DNAH8: variants seen among roughly 807,000 people sequenced by gnomAD.
DNAH8 encodes the protein dynein axonemal heavy chain 8.
A neutral mutation model predicts 562.1 loss-of-function variants in DNAH8; 382 were observed. The ratio of observed to expected loss-of-function variants is 0.68; its 90% CI spans 0.63 to 0.74. The LOEUF (loss-of-function observed/expected upper bound fraction) is 0.74. DNAH8 is among the 30% of genes least tolerant of loss of function. The probability of loss-of-function intolerance (pLI) is 0.00; values close to 1 mark genes in which losing one functional copy is unlikely to be tolerated. For missense variants in DNAH8, 5,203 were observed against 5,620.4 expected (o/e 0.93, Z 2.37); for synonymous variants, 1,881 against 1,919.4 (o/e 0.98, Z 0.52).
rs745734384 is a variant in DNAH8, at chr6:38,860,483, T to A, written c.5985T>A (p.Thr1995=). ...DLVKMHIKSP[T]DFEWLKQSRF... Reference sequence around the variant, plus strand: ...TAAAAATGCATATCAAATCACCTACTGACTTTGAATGGCTAAAACAGAGTA... The same window carrying A: ...TAAAAATGCATATCAAATCACCTACAGACTTTGAATGGCTAAAACAGAGTA... Residue 1995 remains threonine, a synonymous_variant, in exon 43 of 93, where the codon ACT becomes ACA. Transcript: ENST00000327475. 1.4e-6 allele frequency: 2 copies of A among 1,458,338 alleles called. No homozygotes were observed. Among genetic ancestry groups the A allele is most frequent in the Non-Finnish European group, 1.8e-6 (2 of 1,102,946 alleles). The allele number at this position is 1,458,338 out of a possible 1,614,324, so 90.3% of individuals were successfully genotyped here.
At chr6:38,982,992 A>AT (rs1764136877) in intron 86 of DNAH8, among the ~76,000 whole-genome samples, 1 of 152,152 alleles carries the variant, frequency 6.6e-6, no homozygotes, top group Non-Finnish European at 1.5e-5. Flanking sequence ...AAAAGGCATT[A>AT]TTATTTATTT....
intron 70 of DNAH8, among the ~76,000 whole-genome samples, chr6:38,918,886 C>T (rs531153110): frequency 6.6e-6 from 1 of 152,042 alleles, no homozygotes; most frequent in Non-Finnish European, 1.5e-5. Flanking sequence ...AATGAGGAGT[C>T]GGTGGGCAGG....
intron 88 of DNAH8, among the ~76,000 whole-genome samples, chr6:39,008,361 G>T (rs555795467): frequency 6.6e-6 from 1 of 151,914 alleles, no homozygotes; most frequent in South Asian, 2.1e-4. Flanking sequence ...CAGAAAAGAC[G>T]AAAATATTTT....
intron 5 of DNAH8, among the ~76,000 whole-genome samples, chr6:38,736,544 C>A (rs1781727): frequency 6.6e-6 from 1 of 151,706 alleles, no homozygotes; most frequent in African/African-American, 2.4e-5. Context: ...TTTTTTGTGA[C>A]CCTAGACAAG....
At chr6:39,011,906 A>G (rs1471466389) in intron 89 of DNAH8, among the ~76,000 whole-genome samples, 1 of 152,226 alleles carries the variant, frequency 6.6e-6, no homozygotes, top group East Asian at 1.9e-4. Flanking sequence ...TCTAACTGAC[A>G]CCCAGTACTT....
intron 21 of DNAH8, among the ~76,000 whole-genome samples, chr6:38,796,019 G>C (rs1405156615): frequency 1.1e-4 from 16 of 152,118 alleles, no homozygotes; most frequent in Non-Finnish European, 5.9e-5. Context: ...GTGATCCTAG[G>C]GCTGATAGTA....
rs114904568 is a variant in DNAH8, at chr6:38,924,436, A to G, written c.10962+274A>G. On this transcript the variant is annotated intron_variant, in intron 73 of 92. Coordinates refer to ENST00000327475, the MANE Select transcript of DNAH8 (RefSeq NM_001206927.2). ...CTGAGGCAGGAGAATCGCTTCAACC[A>G]GGGAGGCAATGGTTCCGAGATCACG... 3.3e-5 allele frequency among the ~76,000 whole-genome samples: 5 copies of G among 151,976 alleles called. No individual in the cohort carries two copies. The South Asian group carries it at 8.3e-4, about 25-fold the overall frequency.
At chr6:38,883,561 A>G in intron 55 of DNAH8, 105 bp downstream of exon 55, 4 of 1,261,168 alleles carry the variant, frequency 3.2e-6, no homozygotes, top group Non-Finnish European at 4.3e-6. Context: ...TATATATTCA[A>G]AAGAAATCAT....
At chr6:38,903,149 G>A (rs377455844) in intron 62 of DNAH8, among the ~76,000 whole-genome samples, 2 of 152,066 alleles carry the variant, frequency 1.3e-5, no homozygotes, top group South Asian at 2.1e-4. Context: ...CATACTCTAC[G>A]CTGTTCTGTA....
intron 85 of DNAH8, among the ~76,000 whole-genome samples, chr6:38,981,551 G>T (rs960529368): frequency 1.3e-5 from 2 of 152,216 alleles, no homozygotes; most frequent in African/African-American, 4.8e-5. Flanking sequence ...GTATACAACA[G>T]AAATTTTTAG....
intron 9 of DNAH8, among the ~76,000 whole-genome samples, chr6:38,754,727 A>G (rs1409145679): frequency 6.6e-6 from 1 of 152,106 alleles, no homozygotes; most frequent in African/African-American, 2.4e-5. Context: ...GATCTTAGGC[A>G]AGGGACTTAA....
chr6:38,920,038 C>G (rs1468265452), intron 70 of DNAH8, among the ~76,000 whole-genome samples: 1 of 152,134 alleles, frequency 6.6e-6, no homozygotes, highest in African/African-American at 2.4e-5. Flanking sequence ...AAAATCTAAT[C>G]AAGAAGAAAA....
At chr6:38,788,398 C>A (rs1435160729) in intron 18 of DNAH8, among the ~76,000 whole-genome samples, 1 of 152,208 alleles carries the variant, frequency 6.6e-6, no homozygotes, top group Non-Finnish European at 1.5e-5. Flanking sequence ...GACCCACCCA[C>A]CTCAGCAACC....
At chr6:38,777,671 T>C (rs753530230) in intron 13 of DNAH8, among the ~76,000 whole-genome samples, 31 of 152,240 alleles carry the variant, frequency 2.0e-4, no homozygotes, top group Non-Finnish European at 2.9e-4. Context: ...GTCCTCAAGC[T>C]ATCCTCCCAT....
chr6:38,871,578 G>A (rs999505428), intron 49 of DNAH8, among the ~76,000 whole-genome samples: 1 of 152,028 alleles, frequency 6.6e-6, no homozygotes, highest in Admixed American at 6.6e-5. Flanking sequence ...CAAAATGTTA[G>A]GAGAATAACT....
intron 86 of DNAH8, among the ~76,000 whole-genome samples, chr6:38,983,200 T>A (rs2150715816): frequency 6.6e-6 from 1 of 152,306 alleles, no homozygotes; most frequent in East Asian, 1.9e-4. Context: ...ATTGTTTCTG[T>A]GAGGAACGAA....
chr6:38,951,065 G>C (rs1259281971), intron 81 of DNAH8, among the ~76,000 whole-genome samples: 1 of 152,156 alleles, frequency 6.6e-6, no homozygotes, highest in East Asian at 1.9e-4. Context: ...CCATGTGTTG[G>C]AGCTGGTAGA....
chr6:38,736,278 A>G (rs1764080295), intron 5 of DNAH8, among the ~76,000 whole-genome samples: 1 of 152,176 alleles, frequency 6.6e-6, no homozygotes, highest in Admixed American at 6.5e-5. Context: ...TGTTTACATC[A>G]TTAGAACTAA....
intron 58 of DNAH8, among the ~76,000 whole-genome samples, chr6:38,892,994 G>C (rs1779439714): frequency 6.6e-6 from 1 of 151,854 alleles, no homozygotes; most frequent in Admixed American, 6.6e-5. Flanking sequence ...TCCTGGCCCT[G>C]GTTTTTTTTA....
Sources: gnomAD v4.1 joint callset for allele counts (sites outside exome capture counted in the v4.1 genomes callset) on GRCh38, gnomAD v4.1.1 for gene constraint, MANE v1.5 for transcripts, NCBI Gene and HGNC (gene_info 2026-07-23, HGNC 2026-07-21) for gene names.